DNM1: variants seen among roughly 807,000 people sequenced by gnomAD.
DNM1 encodes dynamin-1.
In DNM1, 29 loss-of-function variants were observed where a neutral mutation model predicts 104.6. The ratio of observed to expected loss-of-function variants is 0.28; its 90% CI spans 0.21 to 0.38. DNM1 has a LOEUF of 0.38. Ranked by LOEUF, DNM1 falls within the 10% of genes least tolerant of loss-of-function variation. The pLI is 1.00. For synonymous variants in DNM1, 445 were observed against 475.8 expected (o/e 0.94, Z 0.84); for missense variants, 640 against 1,189.4 (o/e 0.54, Z 6.79).
Position 128,250,729 on chromosome 9 carries a change from C to G in DNM1, c.2323C>G (p.Pro775Ala). ...VQSVPAGRRS[P>A]TSSPTPQRRA... ...CTCGCTCCCTGTCGCCCTCAGGTCG[C>G]CCACGTCCAGCCCCACGCCGCAGCG... Residue 775 changes from proline to alanine, a missense_variant, in exon 21 of 22, where the codon CCC becomes GCC. Physicochemically the swap from Pro to Ala is conservative, Grantham distance 27. This residue lies in a region of DNM1 where 129 missense variants were observed against 224.6 expected (regional missense o/e 0.57). Coordinates refer to ENST00000372923, the MANE Select transcript of DNM1 (RefSeq NM_004408.4). The G allele has an allele frequency of 6.8e-7, 1 of 1,462,032 alleles. No individual in the cohort carries two copies. Among genetic ancestry groups the G allele is most frequent in the Non-Finnish European group, 9.0e-7 (1 of 1,113,390 alleles). 90.6% of individuals were successfully genotyped at this position (1,462,032 alleles called of 1,614,324 possible).
chr9:128,245,044 G>A lies in DNM1; in HGVS notation c.1672-1350G>A, dbSNP rs1184903622. Reference sequence around the variant, plus strand: ...GAAGGAGGGGCCTGAGGAGGGGGCCGGCCGGCAGGAAGGGAGGGGTGGGGG... The same window carrying A: ...GAAGGAGGGGCCTGAGGAGGGGGCCAGCCGGCAGGAAGGGAGGGGTGGGGG... On this transcript the variant is annotated intron_variant, in intron 15 of 21. Transcript: ENST00000372923. The surrounding 1 kb of genome is among the most constrained non-coding windows in gnomAD (Gnocchi z 5.2). 3.8e-5 allele frequency: 10 copies of A among 263,992 alleles called. No individual in the cohort carries two copies. Among genetic ancestry groups the A allele is most frequent in the Non-Finnish European group, 6.3e-5 (8 of 126,942 alleles). 16.4% of individuals were successfully genotyped at this position (263,992 alleles called of 1,614,324 possible).
At chr9:128,251,073 G>T in intron 21 of DNM1, 133 bp downstream of exon 21, 1 of 698,816 alleles carries the variant, frequency 1.4e-6, no homozygotes, top group Non-Finnish European at 2.5e-6. Flanking sequence ...CGGACTCTGG[G>T]TGCCGGAGCC....
Position 128,220,146 on chromosome 9 carries a change from G to A in DNM1, c.689-35G>A, listed in dbSNP as rs1834857912. The A allele has an allele frequency of 1.2e-6, 2 of 1,613,192 alleles. No individual in the cohort carries two copies. Among genetic ancestry groups the A allele is most frequent in the Non-Finnish European group, 1.7e-6 (2 of 1,179,282 alleles). On this transcript the variant is annotated intron_variant, in intron 5 of 21. Coordinates refer to ENST00000372923, the MANE Select transcript of DNM1 (RefSeq NM_004408.4). The surrounding 1 kb of genome is among the most constrained non-coding windows in gnomAD (Gnocchi z 5.2). ...CCTTCCCCACCCTTCCCCTCCTCTT[G>A]AGGCTGGTTGCCCTGACCTTGATAC...
At chr9:128,215,431 A>G (rs1834545433) in intron 1 of DNM1, among the ~76,000 whole-genome samples, 1 of 152,240 alleles carries the variant, frequency 6.6e-6, no homozygotes, top group Non-Finnish European at 1.5e-5. Flanking sequence ...TGAGGGCCTC[A>G]CTTTGAGAAC....
intron 1 of DNM1, among the ~76,000 whole-genome samples, chr9:128,209,980 G>A (rs1834192011): frequency 6.6e-6 from 1 of 152,168 alleles, no homozygotes; most frequent in Non-Finnish European, 1.5e-5. Context: ...CCATTCCCCA[G>A]GCCTAAGGGC....
chr9:128,208,018 C>T (rs1834072851), intron 1 of DNM1, among the ~76,000 whole-genome samples: 1 of 151,120 alleles, frequency 6.6e-6, no homozygotes, highest in Non-Finnish European at 1.5e-5. Flanking sequence ...CTTTCTGTCT[C>T]CCCCAATGCC....
At chr9:128,241,606 G>A (rs941080847) in intron 14 of DNM1, among the ~76,000 whole-genome samples, 1 of 152,176 alleles carries the variant, frequency 6.6e-6, no homozygotes, top group African/African-American at 2.4e-5. Flanking sequence ...TAGCAGGGGA[G>A]GCTGCATCGA....
At chr9:128,227,490 T>C (rs556406201) in intron 10 of DNM1, among the ~76,000 whole-genome samples, 12 of 146,944 alleles carry the variant, frequency 8.2e-5, no homozygotes, top group African/African-American at 3.0e-4. Flanking sequence ...CAAGTGGTAC[T>C]TCCACCTCAG....
intron 20 of DNM1, 125 bp downstream of exon 20, chr9:128,250,481 C>T (rs1829445524): frequency 2.6e-6 from 3 of 1,150,676 alleles, no homozygotes; most frequent in Non-Finnish European, 3.6e-6. Flanking sequence ...AGGGGCGGAG[C>T]TTAGAGAGGG....
chr9:128,251,044 C>A (rs1224522547), intron 21 of DNM1, 104 bp downstream of exon 21: 41 of 799,638 alleles, frequency 5.1e-5, no homozygotes, highest in Non-Finnish European at 8.1e-6. Flanking sequence ...CAGAACCGGC[C>A]GTTTCTATCC....
Position 128,250,157 on chromosome 9 carries a change from TC to T in DNM1, c.2120del (p.Ser707CysfsTer8). The T allele has an allele frequency of 6.2e-7, 1 of 1,614,076 alleles. No individual in the cohort carries two copies. On this transcript the variant is annotated frameshift_variant, in exon 20 of 22. Coordinates refer to ENST00000372923, the MANE Select transcript of DNM1 (RefSeq NM_004408.4). LOFTEE classifies it high-confidence loss of function. Reference sequence around the variant, plus strand: ...CTCGGAGCTGCTGGCCAACCTGTACTCGTGTGGGGACCAGAACACGCTGATG... The same window carrying T: ...CTCGGAGCTGCTGGCCAACCTGTACTGTGTGGGGACCAGAACACGCTGATG... ...IFSELLANLY[S>X]CGDQNTLMEE...
rs368821044 is a variant in DNM1, at chr9:128,240,071, C to T, written c.1557+75C>T. On this transcript the variant is annotated intron_variant, in intron 14 of 21. Coordinates refer to ENST00000372923, the MANE Select transcript of DNM1 (RefSeq NM_004408.4). The surrounding 1 kb of genome is among the most constrained non-coding windows in gnomAD (Gnocchi z 5.1). ...GTCCATCGGCAGTGGGGATCTGCAA[C>T]GGGTAGGAGGGCACCCTTTGGCTGA... is the stretch of plus-strand genomic sequence containing the variant. The T allele has an allele frequency of 2.2e-4, 342 of 1,553,104 alleles. No individual in the cohort carries two copies. In the African/African-American group the frequency reaches 4.0e-3, roughly 18 times the overall value.
intron 1 of DNM1, among the ~76,000 whole-genome samples, chr9:128,213,601 A>AC (rs1412285810): frequency 1.3e-5 from 2 of 152,128 alleles, no homozygotes; most frequent in Admixed American, 6.6e-5. Context: ...GAGAGCACCT[A>AC]CCCGGACTCA....
At chr9:128,250,081 G>C (rs1380779185) in intron 19 of DNM1, 34 bp from the exon 20 acceptor site, 1 of 1,613,730 alleles carries the variant, frequency 6.2e-7, no homozygotes, top group Non-Finnish European at 8.5e-7. Flanking sequence ...CAGGCATCAG[G>C]TCCCCACCTC....
At chr9:128,219,323 G>T in intron 4 of DNM1, 71 bp downstream of exon 4, 2 of 1,379,212 alleles carry the variant, frequency 1.5e-6, no homozygotes, top group East Asian at 2.3e-5. Flanking sequence ...GTGTAAAGGG[G>T]AGCCTCTGAA....
chr9:128,252,178 TAGGGATG>T, intron 21 of DNM1: 1 of 219,296 alleles, frequency 4.6e-6, no homozygotes, highest in Admixed American at 5.3e-5. Flanking sequence ...ACAGTGGCTA[TAGGGATG>T]CTGTGTTAAC....
intron 1 of DNM1, among the ~76,000 whole-genome samples, chr9:128,216,477 C>T (rs968021559): frequency 6.6e-6 from 1 of 152,216 alleles, no homozygotes; most frequent in South Asian, 2.1e-4. Context: ...AAGCCCTGTC[C>T]TGGGCACTGG....
rs963309125 is a variant in DNM1, at chr9:128,212,944, C to T, written c.162-5287C>T. 3.3e-5 allele frequency among the ~76,000 whole-genome samples: 5 copies of T among 152,286 alleles called. No homozygotes were observed. The South Asian group carries it at 1.0e-3, about 32-fold the overall frequency. Reference sequence around the variant, plus strand: ...AGATTTTCAAGTCCCTGGCAGAGTCCCTGGCTGACAGTCAGCAATTCATCA... The same window carrying T: ...AGATTTTCAAGTCCCTGGCAGAGTCTCTGGCTGACAGTCAGCAATTCATCA... On this transcript the variant is annotated intron_variant, in intron 1 of 21. Transcript: ENST00000372923.
Position 128,247,846 on chromosome 9 carries a change from C to T in DNM1, c.1894-78C>T, listed in dbSNP as rs1836920726. 1.9e-6 allele frequency: 3 copies of T among 1,582,156 alleles called. No individual in the cohort carries two copies. The highest frequency in any genetic ancestry group is 1.1e-5 in the South Asian group (1 of 87,456). On this transcript the variant is annotated intron_variant, in intron 17 of 21. Coordinates refer to ENST00000372923, the MANE Select transcript of DNM1 (RefSeq NM_004408.4). The surrounding 1 kb of genome is among the most constrained non-coding windows in gnomAD (Gnocchi z 5.1). ...ATCCCAGGTTCACTCAATCTCTCCCCTTTTCCTCTCTGTGTTTCCTTCGGC... is the reference window on the plus strand; with the variant it reads ...ATCCCAGGTTCACTCAATCTCTCCCTTTTTCCTCTCTGTGTTTCCTTCGGC...
Sources: gnomAD v4.1 joint callset for allele counts (sites outside exome capture counted in the v4.1 genomes callset) on GRCh38, gnomAD v4.1.1 for gene constraint, gnomAD v4.1.1 regional missense constraint, Gnocchi (gnomAD v3.1) non-coding constraint, MANE v1.5 for transcripts, NCBI Gene and HGNC (gene_info 2026-07-23, HGNC 2026-07-21) for gene names.